DYRK1A: variants seen among roughly 807,000 people sequenced by gnomAD.
DYRK1A encodes dual specificity tyrosine-phosphorylation-regulated kinase 1A.
DYRK1A carries 9 observed loss-of-function variants against 79.7 expected under a neutral mutation model. That is an observed-to-expected ratio of 0.11 (90% CI 0.07 to 0.20). DYRK1A has a LOEUF of 0.20. Ranked by LOEUF, DYRK1A falls within the 10% of genes least tolerant of loss-of-function variation. DYRK1A has a pLI of 1.00. For missense variants in DYRK1A, 622 were observed against 956.0 expected (o/e 0.65, Z 4.61); for synonymous variants, 349 against 329.7 (o/e 1.06, Z -0.63).
chr21:37,480,570 T>G, intron 4 of DYRK1A, 68 bp from the exon 5 acceptor site: 1 of 1,261,098 alleles, frequency 7.9e-7, no homozygotes, highest in Non-Finnish European at 1.1e-6. Flanking sequence ...TGTGTCAATA[T>G]ACTCTGATAA....
At chr21:37,481,985 C>T (rs1368651202) in intron 5 of DYRK1A, among the ~76,000 whole-genome samples, 2 of 152,188 alleles carry the variant, frequency 1.3e-5, no homozygotes, top group African/African-American at 4.8e-5. Flanking sequence ...TCTCCTCTGC[C>T]TTGCAGCCCT....
intron 1 of DYRK1A, among the ~76,000 whole-genome samples, chr21:37,404,615 A>T (rs973321419): frequency 6.6e-6 from 1 of 152,146 alleles, no homozygotes; most frequent in Non-Finnish European, 1.5e-5. Context: ...CTGAGCCTCT[A>T]GTTCGTTTCA....
At chr21:37,405,898 G>A (rs1337785991) in intron 1 of DYRK1A, among the ~76,000 whole-genome samples, 2 of 152,038 alleles carry the variant, frequency 1.3e-5, no homozygotes, top group African/African-American at 2.4e-5. Flanking sequence ...GATTTTTAGG[G>A]TACTATTCAT....
chr21:37,461,005 C>T (rs1235748385), intron 2 of DYRK1A, among the ~76,000 whole-genome samples: 1 of 152,148 alleles, frequency 6.6e-6, no homozygotes, highest in African/African-American at 2.4e-5. Flanking sequence ...TCCTTGGCCT[C>T]CTATTTCAGC....
In DYRK1A at chr21:37,514,820, A is replaced by G. The variant is rs974134994; in HGVS notation, c.*2289A>G. 1 of 152,610 alleles carries G rather than the reference A, an allele frequency of 6.6e-6. No individual in the cohort carries two copies. Among genetic ancestry groups the G allele is most frequent in the Non-Finnish European group, 1.5e-5 (1 of 68,044 alleles). The allele number at this position is 152,610 out of a possible 1,614,324, so 9.5% of individuals were successfully genotyped here. On this transcript the variant is annotated 3_prime_UTR_variant, in exon 12 of 12. Coordinates refer to ENST00000647188, the MANE Select transcript of DYRK1A (RefSeq NM_001347721.2). The stretch of plus-strand genomic sequence containing the variant: ...CTGTTTAGGAATATAAGGTTAAGAT[A>G]TCATATGGGTCAGGTCATTTTTTTT...
intron 1 of DYRK1A, among the ~76,000 whole-genome samples, chr21:37,408,271 T>G (rs2050184366): frequency 6.6e-6 from 1 of 152,212 alleles, no homozygotes; most frequent in Non-Finnish European, 1.5e-5. Context: ...TGAAGATGAC[T>G]GTACTTCTGA....
At chr21:37,411,231 A>G (rs1321045254) in intron 1 of DYRK1A, among the ~76,000 whole-genome samples, 3 of 151,708 alleles carry the variant, frequency 2.0e-5, no homozygotes, top group East Asian at 3.9e-4. Context: ...TGGTGTGTGC[A>G]TATAATCCCA....
chr21:37,402,827 A>G (rs1312626037), intron 1 of DYRK1A, among the ~76,000 whole-genome samples: 1 of 151,974 alleles, frequency 6.6e-6, no homozygotes, highest in African/African-American at 2.4e-5. Context: ...CAATGGTGCC[A>G]TCTCGGCTCA....
At chr21:37,501,398 A>C (rs918676657) in intron 9 of DYRK1A, 1 of 151,880 alleles carries the variant, frequency 6.6e-6, no homozygotes, top group Non-Finnish European at 1.5e-5. Context: ...TTGATCTCTT[A>C]ACCTCGTGAC....
chr21:37,469,466 T>C (rs142007386), intron 2 of DYRK1A, among the ~76,000 whole-genome samples: 1 of 152,334 alleles, frequency 6.6e-6, no homozygotes, highest in Non-Finnish European at 1.5e-5. Context: ...TTACATTAGT[T>C]TGTACTTGCC....
At position 37,517,974 on chromosome 21, in the gene DYRK1A, G is replaced by C. The variant is rs1286355875; in HGVS notation, c.*5443G>C. On this transcript the variant is annotated 3_prime_UTR_variant, in exon 12 of 12. Transcript: ENST00000647188. Reference sequence around the variant, plus strand: ...GGTGGTGTGATTGCAGCTCACTGCAGCCTTAAACAACTGGGCTAGGTGATC... The same window carrying C: ...GGTGGTGTGATTGCAGCTCACTGCACCCTTAAACAACTGGGCTAGGTGATC... 6.6e-6 allele frequency: 1 copy of C among 152,160 alleles called. No homozygotes were observed. Among genetic ancestry groups the C allele is most frequent in the African/African-American group, 2.4e-5 (1 of 41,430 alleles). The allele number at this position is 152,160 out of a possible 1,614,324, so 9.4% of individuals were successfully genotyped here.
rs1375046669 is a variant in DYRK1A, at chr21:37,519,909, T to A, written c.*7378T>A. The A allele has an allele frequency of 6.6e-6, 1 of 151,904 alleles. No individual in the cohort carries two copies. Among genetic ancestry groups the A allele is most frequent in the Non-Finnish European group, 1.5e-5 (1 of 68,074 alleles). 9.4% of individuals were successfully genotyped at this position (151,904 alleles called of 1,614,324 possible). A position where few individuals can be genotyped will look rare whatever the true frequency, so the allele number is the denominator to read the frequency against. ...GGCGCCCGCCACCACGCCCGGCTAA[T>A]TTTTTTTGTGTATTTTTAGTAGAGA... On this transcript the variant is annotated 3_prime_UTR_variant, in exon 12 of 12. Coordinates refer to ENST00000647188, the MANE Select transcript of DYRK1A (RefSeq NM_001347721.2).
chr21:37,446,098 G>A (rs1371126240), intron 2 of DYRK1A, among the ~76,000 whole-genome samples: 1 of 138,044 alleles, frequency 7.2e-6, no homozygotes, highest in African/African-American at 2.7e-5. Flanking sequence ...TGAACGCAGT[G>A]ATGTGCAGGA....
intron 8 of DYRK1A, 85 bp downstream of exon 8, chr21:37,493,248 T>C: frequency 7.2e-7 from 1 of 1,396,576 alleles, no homozygotes; most frequent in Admixed American, 2.0e-5. Context: ...AAAGTTGTTT[T>C]TAGGCAAAGA....
chr21:37,512,697 C>T lies in DYRK1A; in HGVS notation c.*166C>T, dbSNP rs1189214573. On this transcript the variant is annotated 3_prime_UTR_variant, in exon 12 of 12. Transcript: ENST00000647188. Reference sequence around the variant, plus strand: ...TTAACTTGAAAAGATTGCAAAGGGACATTGAAGTGTTTAAAAGAGCCATGT... The same window carrying T: ...TTAACTTGAAAAGATTGCAAAGGGATATTGAAGTGTTTAAAAGAGCCATGT... The T allele has an allele frequency of 1.3e-6, 1 of 767,088 alleles. No individual in the cohort carries two copies. 47.5% of individuals were successfully genotyped at this position (767,088 alleles called of 1,614,324 possible).
chr21:37,478,092 C>G (rs1325123005), intron 3 of DYRK1A, 116 bp from the exon 4 acceptor site: 22 of 1,378,034 alleles, frequency 1.6e-5, no homozygotes, highest in Non-Finnish European at 2.2e-5. Flanking sequence ...TAATGTGTAG[C>G]TGTCTTTAAA....
intron 1 of DYRK1A, among the ~76,000 whole-genome samples, chr21:37,376,573 G>C (rs1327072028): frequency 1.3e-5 from 2 of 152,108 alleles, no homozygotes; most frequent in African/African-American, 2.4e-5. Context: ...GTATTCTCTG[G>C]TGGCCAGAGG....
chr21:37,378,054 A>G (rs564029192), intron 1 of DYRK1A, among the ~76,000 whole-genome samples: 2 of 152,226 alleles, frequency 1.3e-5, no homozygotes, highest in Non-Finnish European at 2.9e-5. Flanking sequence ...TAGTTTCTCA[A>G]ATCTCACCAA....
At chr21:37,457,964 C>G (rs886894777) in intron 2 of DYRK1A, among the ~76,000 whole-genome samples, 3 of 152,194 alleles carry the variant, frequency 2.0e-5, no homozygotes, top group African/African-American at 4.8e-5. Flanking sequence ...TCAGACACTT[C>G]TTAAAATGGC....
Sources: allele counts gnomAD v4.1 joint callset (sites outside exome capture counted in the v4.1 genomes callset), GRCh38; gene constraint gnomAD v4.1.1; transcripts MANE v1.5; gene names NCBI Gene and HGNC (gene_info 2026-07-23, HGNC 2026-07-21).